CNTN5: variants seen among roughly 807,000 people sequenced by gnomAD.
CNTN5 encodes the protein contactin 5, also known as contactin-5.
Under a neutral mutation model 129.1 loss-of-function variants are expected in CNTN5, and 77 were observed. The observed-to-expected ratio is 0.60, with a 90% CI of 0.50 to 0.72. The LOEUF (loss-of-function observed/expected upper bound fraction) is 0.72, where lower values mean the gene tolerates loss of function less well. CNTN5 is among the 30% of genes least tolerant of loss of function. The pLI is 0.00. For synonymous variants in CNTN5, 509 were observed against 465.6 expected (o/e 1.09, Z -1.20); for missense variants, 1,478 against 1,328.8 (o/e 1.11, Z -1.75).
chr11:99,106,022 G>A (rs1341540688), intron 1 of CNTN5, among the ~76,000 whole-genome samples: 1 of 152,010 alleles, frequency 6.6e-6, no homozygotes, highest in Non-Finnish European at 1.5e-5. Context: ...ACAACGTAAG[G>A]GGAGTATCTG....
chr11:99,615,757 G>GTT lies in CNTN5; in HGVS notation c.55+59499_55+59500dup, dbSNP rs556850074. On this transcript the variant is annotated intron_variant, in intron 3 of 24. Coordinates refer to ENST00000524871, the MANE Select transcript of CNTN5 (RefSeq NM_014361.4). ...ACTTTATTTGGATTTTACACATCTT[G>GTT]TTTTTTTTTTTTAATTTTTTTTGGA... 3.2e-3 allele frequency among the ~76,000 whole-genome samples: 462 copies of GTT among 145,428 alleles called. 2 individuals are homozygous for GTT. Among genetic ancestry groups the GTT allele is most frequent in the Middle Eastern group, 3.5e-3 (1 of 284 alleles).
chr11:99,837,679 A>G (rs1261541877), intron 4 of CNTN5, among the ~76,000 whole-genome samples: 1 of 124,360 alleles, frequency 8.0e-6, no homozygotes, highest in African/African-American at 2.8e-5. Flanking sequence ...CTTGCCACAC[A>G]TGAGTAAAAA....
intron 3 of CNTN5, among the ~76,000 whole-genome samples, chr11:99,766,035 T>C (rs1944742634): frequency 6.6e-6 from 1 of 152,062 alleles, no homozygotes; most frequent in African/African-American, 2.4e-5. Context: ...TTAGAGAACA[T>C]GAATATTTTC....
intron 16 of CNTN5, among the ~76,000 whole-genome samples, chr11:100,251,834 G>A (rs1466811221): frequency 6.6e-6 from 1 of 152,020 alleles, no homozygotes; most frequent in Non-Finnish European, 1.5e-5. Context: ...GGACTCCTAG[G>A]TTGATTCCAT....
intron 3 of CNTN5, among the ~76,000 whole-genome samples, chr11:99,574,499 T>C (rs1949281783): frequency 6.6e-6 from 1 of 152,216 alleles, no homozygotes; most frequent in South Asian, 2.1e-4. Context: ...TCCACAATGA[T>C]TGAACTAATT....
chr11:99,923,783 C>CTATCTATG (rs1949995360), intron 7 of CNTN5, among the ~76,000 whole-genome samples: 2 of 151,840 alleles, frequency 1.3e-5, no homozygotes, highest in East Asian at 3.9e-4. Flanking sequence ...ATCTATCTAT[C>CTATCTATG]TATCTATCTA....
chr11:100,314,812 G>A (rs1951545894), intron 21 of CNTN5, among the ~76,000 whole-genome samples: 1 of 152,056 alleles, frequency 6.6e-6, no homozygotes, highest in Non-Finnish European at 1.5e-5. Context: ...TCCTGATTTG[G>A]CTGCAGCCTG....
chr11:100,026,689 G>A (rs1941432249), intron 9 of CNTN5, among the ~76,000 whole-genome samples: 1 of 151,940 alleles, frequency 6.6e-6, no homozygotes, highest in African/African-American at 2.4e-5. Context: ...TCTTTACTGA[G>A]GTCTCTTTAA....
At position 99,704,952 on chromosome 11, in the gene CNTN5, T is replaced by C. The variant is rs189690455; in HGVS notation, c.56-114592T>C. Among the ~76,000 whole-genome samples, 12 of 151,402 alleles carry C rather than the reference T, an allele frequency of 7.9e-5. No homozygotes were observed. The East Asian group carries it at 2.1e-3, about 27-fold the overall frequency. On this transcript the variant is annotated intron_variant, in intron 3 of 24. Coordinates refer to ENST00000524871, the MANE Select transcript of CNTN5 (RefSeq NM_014361.4). ...ATAGAGCATCTGGCATTCCAATAAT[T>C]ATTTCCAAATAACACAGTCATTTGG...
At chr11:100,028,162 G>T (rs1199017375) in intron 9 of CNTN5, among the ~76,000 whole-genome samples, 1 of 151,908 alleles carries the variant, frequency 6.6e-6, no homozygotes, top group Non-Finnish European at 1.5e-5. Context: ...ACAGTAAAAA[G>T]CTACAGTAAA....
At chr11:99,550,455 TC>T (rs377063537) in intron 2 of CNTN5, among the ~76,000 whole-genome samples, 45 of 152,270 alleles carry the variant, frequency 3.0e-4, no homozygotes, top group African/African-American at 9.9e-4. Flanking sequence ...ATGTTCCTTT[TC>T]TATGAGCCCT....
At chr11:99,436,518 C>G (rs780280347) in intron 2 of CNTN5, among the ~76,000 whole-genome samples, 5 of 152,100 alleles carry the variant, frequency 3.3e-5, no homozygotes, top group Non-Finnish European at 5.9e-5. Flanking sequence ...ACAGTTTCCC[C>G]ATCTTGTATC....
intron 2 of CNTN5, among the ~76,000 whole-genome samples, chr11:99,387,965 T>G (rs1941015421): frequency 6.6e-6 from 1 of 151,986 alleles, no homozygotes; most frequent in African/African-American, 2.4e-5. Flanking sequence ...TATCAAAATT[T>G]TTTTAAGCCT....
intron 2 of CNTN5, among the ~76,000 whole-genome samples, chr11:99,490,285 A>C (rs915154474): frequency 7.2e-5 from 11 of 152,178 alleles, no homozygotes; most frequent in African/African-American, 2.7e-4. Context: ...GGTGTTCATC[A>C]TTTGGACATT....
At chr11:99,849,387 A>C (rs1322733261) in intron 6 of CNTN5, among the ~76,000 whole-genome samples, 1 of 151,952 alleles carries the variant, frequency 6.6e-6, no homozygotes, top group Non-Finnish European at 1.5e-5. Flanking sequence ...ACACATATGC[A>C]TAATTAGTAT....
rs545672094 is a variant in CNTN5, at chr11:99,287,432, T to C, written c.-209-37914T>C. ...AATTTCTACTTATAAGACTGTCTCC[T>C]ATTATTCAAACATCCTTCTCTCTCA... On this transcript the variant is annotated intron_variant, in intron 1 of 24. Transcript: ENST00000524871. Among the ~76,000 whole-genome samples the C allele has an allele frequency of 3.7e-4, 57 of 152,224 alleles. 1 individual carries two copies. Among genetic ancestry groups the C allele is most frequent in the South Asian group, 1.7e-3 (8 of 4,822 alleles).
At chr11:99,958,107 T>C (rs1329588470) in intron 8 of CNTN5, among the ~76,000 whole-genome samples, 2 of 152,088 alleles carry the variant, frequency 1.3e-5, no homozygotes, top group African/African-American at 4.8e-5. Context: ...TGAAAATTGC[T>C]AAAGGCCTCA....
At chr11:99,311,352 G>T (rs1224067750) in intron 1 of CNTN5, among the ~76,000 whole-genome samples, 3 of 152,000 alleles carry the variant, frequency 2.0e-5, no homozygotes, top group Non-Finnish European at 4.4e-5. Context: ...CATATATAAG[G>T]GGTTATTGTT....
At chr11:99,730,671 T>G (rs958183381) in intron 3 of CNTN5, among the ~76,000 whole-genome samples, 1 of 151,788 alleles carries the variant, frequency 6.6e-6, no homozygotes, top group African/African-American at 2.4e-5. Context: ...TTTTAAAAAA[T>G]TATTTTACTA....
Sources: allele counts gnomAD v4.1 joint callset (sites outside exome capture counted in the v4.1 genomes callset), GRCh38; gene constraint gnomAD v4.1.1; transcripts MANE v1.5; gene names NCBI Gene and HGNC (gene_info 2026-07-23, HGNC 2026-07-21).